CREBRF: variants seen among roughly 807,000 people sequenced by gnomAD.
CREBRF encodes the protein CREB3 regulatory factor.
In CREBRF, 5 loss-of-function variants were observed where a neutral mutation model predicts 66.1. The ratio of observed to expected loss-of-function variants is 0.08; its 90% CI spans 0.04 to 0.16. The LOEUF is 0.16. Ranked by LOEUF, CREBRF falls within the 10% of genes least tolerant of loss-of-function variation. The pLI is 1.00. For synonymous variants in CREBRF, 229 were observed against 264.4 expected, an observed-to-expected ratio of 0.87 and a Z score of 1.30; for missense variants, 531 against 744.9, an observed-to-expected ratio of 0.71 and a Z score of 3.34.
In CREBRF at chr5:173,134,038, G is replaced by A. The variant is rs144351845; in HGVS notation, c.*293G>A. 471 of 178,864 alleles carry A rather than the reference G, an allele frequency of 2.6e-3. 2 individuals are homozygous for A. The highest frequency in any genetic ancestry group is 0.01 in the African/African-American group (433 of 42,496). The allele number at this position is 178,864 out of a possible 1,614,324, so 11.1% of individuals were successfully genotyped here. On this transcript the variant is annotated 3_prime_UTR_variant, in exon 9 of 9. Coordinates refer to ENST00000296953, the MANE Select transcript of CREBRF (RefSeq NM_153607.3). ...TCTGTTAAAGCAAAACATTTTGGAG[G>A]AGTGAAATAGTAAAATGCCAAGTAT...
At chr5:173,086,358 T>C (rs1003230872) in intron 2 of CREBRF, 143 bp from the exon 3 acceptor site, 4 of 731,862 alleles carry the variant, frequency 5.5e-6, no homozygotes, top group Admixed American at 2.7e-5. Context: ...AGCTCTTAAA[T>C]ATACTATACA....
intron 7 of CREBRF, among the ~76,000 whole-genome samples, chr5:173,112,721 C>T (rs1034984778): frequency 5.9e-5 from 9 of 152,184 alleles, no homozygotes; most frequent in South Asian, 2.1e-4. Flanking sequence ...CTGCACTTCT[C>T]GAAAGATCAC....
chr5:173,086,138 C>A, intron 2 of CREBRF: 1 of 788,250 alleles, frequency 1.3e-6, no homozygotes, highest in South Asian at 1.3e-5. Flanking sequence ...ATTTGTTTGT[C>A]GTGTAGGATA....
intron 7 of CREBRF, among the ~76,000 whole-genome samples, chr5:173,114,975 G>A (rs1490825491): frequency 6.6e-6 from 1 of 152,166 alleles, no homozygotes; most frequent in Non-Finnish European, 1.5e-5. Context: ...AGAGGTTTGC[G>A]GTAGCATGAG....
intron 7 of CREBRF, among the ~76,000 whole-genome samples, chr5:173,118,913 A>G (rs1759071731): frequency 6.6e-6 from 1 of 151,978 alleles, no homozygotes; most frequent in African/African-American, 2.4e-5. Flanking sequence ...AAGATTAAAA[A>G]AAAACATAGA....
intron 1 of CREBRF, among the ~76,000 whole-genome samples, chr5:173,074,589 TTTTA>T (rs1388744513): frequency 6.6e-6 from 1 of 151,724 alleles, no homozygotes; most frequent in Non-Finnish European, 1.5e-5. Context: ...ACCTCCCATA[TTTTA>T]TTTTTTATTT....
intron 1 of CREBRF, among the ~76,000 whole-genome samples, chr5:173,077,164 C>T (rs1249295224): frequency 4.0e-5 from 6 of 151,586 alleles, no homozygotes; most frequent in Non-Finnish European, 8.8e-5. Context: ...AGGCTAGTCT[C>T]GAACTCCTGA....
chr5:173,107,484 C>A (rs1394790204), intron 4 of CREBRF, among the ~76,000 whole-genome samples: 1 of 152,040 alleles, frequency 6.6e-6, no homozygotes, highest in Non-Finnish European at 1.5e-5. Context: ...AGGAAAATAC[C>A]CCCTTCTTAA....
chr5:173,138,687 T>C lies in CREBRF; in HGVS notation c.*4942T>C, dbSNP rs1759643073. ...GGTGGATAGGAGCAGGACTGATTAC[T>C]ATGTCTTGCCCTTCGCCCTTTGTTT... On this transcript the variant is annotated 3_prime_UTR_variant, in exon 9 of 9. Coordinates refer to ENST00000296953, the MANE Select transcript of CREBRF (RefSeq NM_153607.3). 1 of 152,254 alleles carries C rather than the reference T, an allele frequency of 6.6e-6. No individual in the cohort carries two copies. Among genetic ancestry groups the C allele is most frequent in the Non-Finnish European group, 1.5e-5 (1 of 68,048 alleles). 9.4% of individuals were successfully genotyped at this position (152,254 alleles called of 1,614,324 possible). A position where few individuals can be genotyped will look rare whatever the true frequency, so the allele number is the denominator to read the frequency against.
intron 3 of CREBRF, among the ~76,000 whole-genome samples, 182 bp downstream of exon 3, chr5:173,086,808 ACT>A (rs1358929618): frequency 1.3e-5 from 2 of 151,828 alleles, no homozygotes; most frequent in Non-Finnish European, 2.9e-5. Context: ...ACGGAGTCTC[ACT>A]CTGTTTCTCA....
At chr5:173,083,451 T>C (rs1269386503) in intron 2 of CREBRF, among the ~76,000 whole-genome samples, 1 of 152,168 alleles carries the variant, frequency 6.6e-6, no homozygotes, top group Non-Finnish European at 1.5e-5. Context: ...TATTATGGAA[T>C]GGACTGTGCC....
intron 4 of CREBRF, among the ~76,000 whole-genome samples, chr5:173,093,656 A>G (rs1758405287): frequency 6.6e-6 from 1 of 152,160 alleles, no homozygotes. Context: ...AGCTAGGACC[A>G]CAGGCGTGCA....
intron 1 of CREBRF, chr5:173,057,197 C>T: frequency 6.6e-6 from 1 of 151,254 alleles, no homozygotes; most frequent in Non-Finnish European, 1.5e-5. Context: ...ATGGAGCGGG[C>T]GGATGGAGAC....
At chr5:173,107,552 G>GT (rs1355610106) in intron 4 of CREBRF, among the ~76,000 whole-genome samples, 1 of 152,208 alleles carries the variant, frequency 6.6e-6, no homozygotes, top group Non-Finnish European at 1.5e-5. Context: ...AGGCATATAA[G>GT]TTTTTTATCT....
chr5:173,107,885 G>T (rs1758786688), intron 4 of CREBRF, among the ~76,000 whole-genome samples: 1 of 148,688 alleles, frequency 6.7e-6, no homozygotes, highest in African/African-American at 2.5e-5. Flanking sequence ...AGGCTGGAGT[G>T]CTGCGGCACA....
At chr5:173,132,624 A>G (rs1581056645) in intron 8 of CREBRF, among the ~76,000 whole-genome samples, 1 of 105,870 alleles carries the variant, frequency 9.4e-6, no homozygotes, top group African/African-American at 3.7e-5. Flanking sequence ...TTTGAGGCAG[A>G]GTTTCACTCT....
chr5:173,070,358 G>C (rs1757562890), intron 1 of CREBRF, among the ~76,000 whole-genome samples: 3 of 152,058 alleles, frequency 2.0e-5, no homozygotes, highest in Admixed American at 6.6e-5. Context: ...TAATTGTACT[G>C]TTCTCTTTTT....
At chr5:173,114,996 C>G (rs1207091573) in intron 7 of CREBRF, among the ~76,000 whole-genome samples, 3 of 152,222 alleles carry the variant, frequency 2.0e-5, no homozygotes, top group Non-Finnish European at 4.4e-5. Flanking sequence ...AGCCCTTTCC[C>G]TTTTCTCTCC....
Position 173,118,963 on chromosome 5 carries a change from C to T in CREBRF, c.1682-4117C>T, listed in dbSNP as rs147815959. Among the ~76,000 whole-genome samples, 128 of 151,778 alleles carry T rather than the reference C, an allele frequency of 8.4e-4. 1 individual carries two copies. The highest frequency in any genetic ancestry group is 2.9e-3 in the African/African-American group (121 of 41,392). ...CTTGCCTCGAACTCCTGGGCTCAAG[C>T]GATCATCCCATCTTGGCCTCCCAAA... is the stretch of plus-strand genomic sequence containing the variant. On this transcript the variant is annotated intron_variant, in intron 7 of 8. Coordinates refer to ENST00000296953, the MANE Select transcript of CREBRF (RefSeq NM_153607.3).
Sources: allele counts gnomAD v4.1 joint callset (sites outside exome capture counted in the v4.1 genomes callset), GRCh38; gene constraint gnomAD v4.1.1; transcripts MANE v1.5; gene names NCBI Gene and HGNC (gene_info 2026-07-23, HGNC 2026-07-21).